The following SPTLC2 variants were observed in gnomAD, a reference collection of about 807,000 sequenced individuals.
The protein encoded by SPTLC2 is serine palmitoyltransferase 2.
A neutral mutation model predicts 62.0 loss-of-function variants in SPTLC2; 21 were observed. That is an observed-to-expected ratio of 0.34 (90% CI 0.24 to 0.49). The LOEUF is 0.49. Ranked by LOEUF, SPTLC2 falls within the 20% of genes least tolerant of loss-of-function variation. The pLI is 0.99. For synonymous variants in SPTLC2, 261 were observed against 261.8 expected (o/e 1.00, Z 0.03); for missense variants, 511 against 713.0 (o/e 0.72, Z 3.23).
intron 6 of SPTLC2, among the ~76,000 whole-genome samples, chr14:77,562,152 CG>C (rs1566780759): frequency 6.6e-6 from 1 of 152,084 alleles, no homozygotes; most frequent in Non-Finnish European, 1.5e-5. Flanking sequence ...ATTTGAGTAA[CG>C]GATCTGTAAA....
chr14:77,531,971 A>C (rs760596496), intron 9 of SPTLC2, among the ~76,000 whole-genome samples: 1 of 152,250 alleles, frequency 6.6e-6, no homozygotes, highest in South Asian at 2.1e-4. Flanking sequence ...GTTAAACAAA[A>C]ATGGAATTGA....
chr14:77,608,919 AAAT>A (rs56945046), intron 1 of SPTLC2, among the ~76,000 whole-genome samples: 14,685 of 134,470 alleles, frequency 0.11, 839 homozygotes, highest in Admixed American at 0.18. Flanking sequence ...CTCCATCTCA[AAAT>A]AATAATAATA....
chr14:77,602,568 T>G (rs1413331279), intron 1 of SPTLC2, among the ~76,000 whole-genome samples: 2 of 150,928 alleles, frequency 1.3e-5, no homozygotes, highest in Non-Finnish European at 3.0e-5. Flanking sequence ...TTTTTTTCTA[T>G]TGACAGCATC....
intron 9 of SPTLC2, among the ~76,000 whole-genome samples, chr14:77,525,460 C>T (rs1264145901): frequency 6.6e-6 from 1 of 151,884 alleles, no homozygotes; most frequent in East Asian, 1.9e-4. Flanking sequence ...TGTGGTGGTG[C>T]ATGCCTGTAA....
chr14:77,579,217 G>A, intron 2 of SPTLC2, 108 bp from the exon 3 acceptor site: 1 of 1,147,422 alleles, frequency 8.7e-7, no homozygotes, highest in Non-Finnish European at 1.3e-6. Flanking sequence ...GGGTATAAGG[G>A]CAATTTCATT....
chr14:77,603,100 A>C (rs2079886946), intron 1 of SPTLC2, among the ~76,000 whole-genome samples: 2 of 152,248 alleles, frequency 1.3e-5, no homozygotes, highest in African/African-American at 4.8e-5. Flanking sequence ...ACTATGTTAT[A>C]ATCCAATAAC....
intron 9 of SPTLC2, chr14:77,547,921 G>C (rs1298498797): frequency 1.2e-5 from 1 of 84,812 alleles, no homozygotes; most frequent in African/African-American, 4.5e-5. Flanking sequence ...AGTTCTCTTA[G>C]TTTTTGACAG....
intron 9 of SPTLC2, among the ~76,000 whole-genome samples, chr14:77,534,927 C>T (rs2079461303): frequency 6.9e-6 from 1 of 144,336 alleles, no homozygotes; most frequent in Non-Finnish European, 1.5e-5. Flanking sequence ...CAGCCAAGTG[C>T]TATTTCTTTT....
At chr14:77,577,186 T>G (rs1289162548) in intron 3 of SPTLC2, among the ~76,000 whole-genome samples, 1 of 134,218 alleles carries the variant, frequency 7.5e-6, no homozygotes, top group Non-Finnish European at 1.7e-5. Context: ...ATCAGGTTTG[T>G]TTTTTGGAGG....
chr14:77,614,619 G>A (rs990083195), intron 1 of SPTLC2, among the ~76,000 whole-genome samples: 9 of 151,170 alleles, frequency 6.0e-5, no homozygotes, highest in African/African-American at 1.7e-4. Context: ...AGCCGAGATC[G>A]CGCCACTGCA....
chr14:77,565,292 C>G (rs1397270899), intron 5 of SPTLC2, among the ~76,000 whole-genome samples: 1 of 142,796 alleles, frequency 7.0e-6, no homozygotes, highest in Non-Finnish European at 1.5e-5. Flanking sequence ...ATAACTGCCA[C>G]AGGCAAGATC....
At chr14:77,565,411 G>A (rs886658906) in intron 5 of SPTLC2, among the ~76,000 whole-genome samples, 3 of 152,144 alleles carry the variant, frequency 2.0e-5, no homozygotes, top group African/African-American at 7.2e-5. Flanking sequence ...AAAGCAGTAA[G>A]TTGGTAGTAG....
chr14:77,508,174 C>A lies in SPTLC2; in HGVS notation c.*4110G>T, dbSNP rs559085753. ...GGGACTACAGGCAGGCACCACCATG[C>A]CCGGTTAATTTAGAAAAAAATTTTT... On this transcript the variant is annotated 3_prime_UTR_variant, in exon 12 of 12. Coordinates refer to ENST00000216484, the MANE Select transcript of SPTLC2 (RefSeq NM_004863.4). 6.6e-6 allele frequency: 1 copy of A among 151,618 alleles called. No homozygotes were observed. Among genetic ancestry groups the A allele is most frequent in the South Asian group, 2.1e-4 (1 of 4,788 alleles). 9.4% of individuals were successfully genotyped at this position (151,618 alleles called of 1,614,324 possible).
intron 1 of SPTLC2, among the ~76,000 whole-genome samples, chr14:77,615,436 A>G (rs1171458187): frequency 1.3e-5 from 2 of 152,214 alleles, no homozygotes; most frequent in African/African-American, 4.8e-5. Context: ...TCAAACTGCA[A>G]CAGTCACACT....
intron 9 of SPTLC2, among the ~76,000 whole-genome samples, chr14:77,544,648 T>C (rs1190857893): frequency 1.3e-5 from 2 of 152,086 alleles, no homozygotes; most frequent in African/African-American, 2.4e-5. Context: ...GCTTAAAGAG[T>C]TCATGTTAAT....
intron 2 of SPTLC2, among the ~76,000 whole-genome samples, chr14:77,583,057 A>G (rs998940945): frequency 3.3e-5 from 5 of 151,978 alleles, no homozygotes; most frequent in African/African-American, 4.8e-5. Flanking sequence ...AAAATTAGCC[A>G]GGTGTGGTGG....
At chr14:77,558,398 T>G (rs571553856) in intron 6 of SPTLC2, among the ~76,000 whole-genome samples, 1 of 151,884 alleles carries the variant, frequency 6.6e-6, no homozygotes, top group East Asian at 1.9e-4. Context: ...GAGGAAGGAG[T>G]TATAAAAGTA....
intron 2 of SPTLC2, among the ~76,000 whole-genome samples, chr14:77,593,030 G>A (rs1186542924): frequency 6.6e-5 from 10 of 151,756 alleles, no homozygotes; most frequent in Admixed American, 6.6e-4. Flanking sequence ...TTGAACCGTG[G>A]AGGCGGAGAT....
chr14:77,537,372 T>C (rs1038678399), intron 9 of SPTLC2, among the ~76,000 whole-genome samples: 1 of 152,190 alleles, frequency 6.6e-6, no homozygotes, highest in African/African-American at 2.4e-5. Context: ...TTGCTCTTGT[T>C]TATAAGTTCC....
Sources: allele counts gnomAD v4.1 joint callset (sites outside exome capture counted in the v4.1 genomes callset), GRCh38; gene constraint gnomAD v4.1.1; transcripts MANE v1.5; gene names NCBI Gene and HGNC (gene_info 2026-07-23, HGNC 2026-07-21).